PHF21A: variants seen among roughly 807,000 people sequenced by gnomAD.
PHF21A encodes BHC80a.
In PHF21A, 11 loss-of-function variants were observed where a neutral mutation model predicts 82.5. That is an observed-to-expected ratio of 0.13 (90% CI 0.08 to 0.22). PHF21A has a LOEUF of 0.22. PHF21A is among the 10% of genes least tolerant of loss of function. PHF21A has a pLI of 1.00. For missense variants in PHF21A, 579 were observed against 837.8 expected (o/e 0.69, Z 3.81); for synonymous variants, 297 against 302.8 (o/e 0.98, Z 0.20).
chr11:46,060,237 A>G (rs1428481114), intron 6 of PHF21A, among the ~76,000 whole-genome samples: 2 of 152,114 alleles, frequency 1.3e-5, no homozygotes, highest in South Asian at 4.1e-4. Context: ...GCCTCAAGCA[A>G]TCCTCCCATC....
At chr11:46,040,121 T>G (rs1219823382) in intron 6 of PHF21A, among the ~76,000 whole-genome samples, 1 of 152,238 alleles carries the variant, frequency 6.6e-6, no homozygotes, top group Non-Finnish European at 1.5e-5. Context: ...ACAGGGTTAC[T>G]AGATGTGGTT....
At chr11:46,043,796 C>T (rs2096203603) in intron 6 of PHF21A, among the ~76,000 whole-genome samples, 1 of 152,178 alleles carries the variant, frequency 6.6e-6, no homozygotes, top group Admixed American at 6.5e-5. Context: ...CATATACCCA[C>T]ATTGAAATGA....
chr11:46,038,139 T>A (rs973093550), intron 6 of PHF21A, among the ~76,000 whole-genome samples: 2 of 151,956 alleles, frequency 1.3e-5, no homozygotes, highest in East Asian at 1.9e-4. Flanking sequence ...TTTTTTTTTT[T>A]AAATGGAGTT....
At chr11:45,958,229 T>C (rs2135717123) in intron 10 of PHF21A, among the ~76,000 whole-genome samples, 1 of 149,190 alleles carries the variant, frequency 6.7e-6, no homozygotes, top group East Asian at 2.0e-4. Flanking sequence ...GAAAATACAC[T>C]CTTAAATCAT....
chr11:45,965,188 G>A, intron 10 of PHF21A, 127 bp downstream of exon 10: 1 of 779,684 alleles, frequency 1.3e-6, no homozygotes, highest in Non-Finnish European at 2.0e-6. Flanking sequence ...TCGCACATAA[G>A]CGACAGCTTA....
intron 8 of PHF21A, 192 bp downstream of exon 8, chr11:45,970,924 G>C (rs2093704976): frequency 1.6e-6 from 1 of 641,606 alleles, no homozygotes; most frequent in East Asian, 2.8e-5. Flanking sequence ...CTTGGTGTCA[G>C]GACGCTTCTG....
chr11:45,943,419 A>T (rs1032423022), intron 15 of PHF21A, among the ~76,000 whole-genome samples: 2 of 151,976 alleles, frequency 1.3e-5, no homozygotes, highest in African/African-American at 4.8e-5. Context: ...GGCTCAAGCA[A>T]TCCACCCACC....
At chr11:45,957,302 G>T (rs1024938115) in intron 10 of PHF21A, among the ~76,000 whole-genome samples, 3 of 152,084 alleles carry the variant, frequency 2.0e-5, no homozygotes, top group Admixed American at 6.5e-5. Context: ...GGCATAGAAA[G>T]AATACTCCAC....
intron 6 of PHF21A, among the ~76,000 whole-genome samples, chr11:46,021,627 G>C (rs1274804361): frequency 6.6e-6 from 1 of 151,976 alleles, no homozygotes; most frequent in South Asian, 2.1e-4. Context: ...TCACTGCCTT[G>C]AACTCTTGGG....
intron 10 of PHF21A, among the ~76,000 whole-genome samples, chr11:45,957,101 T>C (rs1280335955): frequency 6.6e-6 from 1 of 152,170 alleles, no homozygotes; most frequent in Non-Finnish European, 1.5e-5. Context: ...GTTATAATCA[T>C]ATATGTACCA....
In PHF21A at chr11:46,099,560, A is replaced by ACACC. The variant is rs1555191391; in HGVS notation, c.-236-7341_-236-7338dup. 1.1e-3 allele frequency among the ~76,000 whole-genome samples: 165 copies of ACACC among 146,062 alleles called. 2 individuals are homozygous for ACACC. Among genetic ancestry groups the ACACC allele is most frequent in the African/African-American group, 3.7e-3 (151 of 40,392 alleles). On this transcript the variant is annotated intron_variant, in intron 1 of 18. Coordinates refer to ENST00000676320, the MANE Select transcript of PHF21A (RefSeq NM_001352027.3). ...CACACACACACACACACACACACACACACCCTAAACACAAACACAAACACA... is the reference window on the plus strand; with the variant it reads ...CACACACACACACACACACACACACACACCCACCCTAAACACAAACACAAACACA...
chr11:46,005,811 G>A (rs1237837365), intron 6 of PHF21A, among the ~76,000 whole-genome samples: 1 of 152,134 alleles, frequency 6.6e-6, no homozygotes, highest in Admixed American at 6.5e-5. Context: ...TACTCTAGCT[G>A]TATGAATCTG....
chr11:46,066,398 T>C (rs1414493678), intron 6 of PHF21A, among the ~76,000 whole-genome samples: 1 of 152,184 alleles, frequency 6.6e-6, no homozygotes, highest in Non-Finnish European at 1.5e-5. Flanking sequence ...TTAATATGTG[T>C]TCCTTATAAA....
chr11:46,041,837 A>G (rs1176252454), intron 6 of PHF21A, among the ~76,000 whole-genome samples: 1 of 152,162 alleles, frequency 6.6e-6, no homozygotes, highest in African/African-American at 2.4e-5. Context: ...ACGCCAGATG[A>G]CATTATTACA....
At chr11:46,011,782 T>C (rs2095418538) in intron 6 of PHF21A, among the ~76,000 whole-genome samples, 1 of 152,216 alleles carries the variant, frequency 6.6e-6, no homozygotes, top group Admixed American at 6.5e-5. Flanking sequence ...TTACGAGTTT[T>C]TATTTACTGC....
In PHF21A at chr11:46,076,139, G is replaced by A. The variant is rs1440386712; in HGVS notation, c.153+615C>T. Among the ~76,000 whole-genome samples, 7 of 152,362 alleles carry A rather than the reference G, an allele frequency of 4.6e-5. No homozygotes were observed. The East Asian group carries it at 1.3e-3, about 29-fold the overall frequency. ...GGCAGGCACTGCCTGAATTGGTAAAGTGGAGGTCATCATACAAAAAATTCC... is the reference window on the plus strand; with the variant it reads ...GGCAGGCACTGCCTGAATTGGTAAAATGGAGGTCATCATACAAAAAATTCC... On this transcript the variant is annotated intron_variant, in intron 6 of 18. Coordinates refer to ENST00000676320, the MANE Select transcript of PHF21A (RefSeq NM_001352027.3).
At chr11:46,030,682 C>G (rs1481611423) in intron 6 of PHF21A, among the ~76,000 whole-genome samples, 1 of 152,108 alleles carries the variant, frequency 6.6e-6, no homozygotes, top group Non-Finnish European at 1.5e-5. Flanking sequence ...CATAATAAAA[C>G]CAATTTTCAC....
intron 7 of PHF21A, among the ~76,000 whole-genome samples, chr11:45,972,607 G>A (rs548682448): frequency 6.6e-6 from 1 of 151,966 alleles, no homozygotes; most frequent in Non-Finnish European, 1.5e-5. Flanking sequence ...GCGAAAGCCC[G>A]TCTCTACTAA....
At chr11:45,944,339 C>T (rs2090943517) in intron 15 of PHF21A, among the ~76,000 whole-genome samples, 1 of 152,116 alleles carries the variant, frequency 6.6e-6, no homozygotes, top group Non-Finnish European at 1.5e-5. Context: ...AGGTGAGAAG[C>T]ATAGGCAAAA....
Sources: allele counts gnomAD v4.1 joint callset (sites outside exome capture counted in the v4.1 genomes callset), GRCh38; gene constraint gnomAD v4.1.1; transcripts MANE v1.5; gene names NCBI Gene and HGNC (gene_info 2026-07-23, HGNC 2026-07-21).